Variants in IGF2BP3 observed in about 807,000 individuals in gnomAD.
IGF2BP3 encodes the protein insulin like growth factor 2 mRNA binding protein 3.
A neutral mutation model predicts 73.8 loss-of-function variants in IGF2BP3; 9 were observed. The ratio of observed to expected loss-of-function variants is 0.12; its 90% confidence interval spans 0.07 to 0.21. The LOEUF (loss-of-function observed/expected upper bound fraction) is 0.21. Ranked by LOEUF, IGF2BP3 falls within the 10% of genes least tolerant of loss-of-function variation. The pLI is 1.00. For missense variants in IGF2BP3, 542 were observed against 714.0 expected (o/e 0.76, Z 2.75); for synonymous variants, 258 against 256.7 (o/e 1.01, Z -0.05).
At chr7:23,385,324 T>C (rs1189833123) in intron 3 of IGF2BP3, among the ~76,000 whole-genome samples, 1 of 152,130 alleles carries the variant, frequency 6.6e-6, no homozygotes, top group African/African-American at 2.4e-5. Context: ...AGAAAGTGAA[T>C]CTGAATATGC....
intron 3 of IGF2BP3, among the ~76,000 whole-genome samples, chr7:23,388,888 C>A (rs1333397069): frequency 6.6e-6 from 1 of 152,082 alleles, no homozygotes; most frequent in Non-Finnish European, 1.5e-5. Flanking sequence ...CTGGAAACAG[C>A]CCAAATGTTC....
chr7:23,386,123 T>A (rs1388466606), intron 3 of IGF2BP3, among the ~76,000 whole-genome samples: 2 of 152,180 alleles, frequency 1.3e-5, no homozygotes, highest in Admixed American at 1.3e-4. Flanking sequence ...AGTTAGGGGA[T>A]AGGTACATGG....
At chr7:23,441,048 A>G (rs962774330) in intron 2 of IGF2BP3, among the ~76,000 whole-genome samples, 3 of 152,198 alleles carry the variant, frequency 2.0e-5, no homozygotes, top group Non-Finnish European at 4.4e-5. Flanking sequence ...GAATCCTACA[A>G]GCAGAAAAGA....
intron 2 of IGF2BP3, among the ~76,000 whole-genome samples, chr7:23,425,899 G>C (rs942605265): frequency 7.9e-5 from 12 of 152,010 alleles, no homozygotes; most frequent in Admixed American, 7.9e-4. Flanking sequence ...TAGGGAGGTC[G>C]AGGCTGCAGT....
rs143619611 is a variant in IGF2BP3, at chr7:23,450,295, C to T, written c.236+18187G>A. Among the ~76,000 whole-genome samples, 919 of 152,234 alleles carry T rather than the reference C, an allele frequency of 6.0e-3. 12 individuals carry two copies. Among genetic ancestry groups the T allele is most frequent in the African/African-American group, 0.021 (877 of 41,540 alleles). On this transcript the variant is annotated intron_variant, in intron 2 of 14. Transcript: ENST00000258729. ...CTGTGCAGTTGTTTGAGTTGCAAGA[C>T]GAACCAGTCAAGCACCGTTTCTACC...
intron 3 of IGF2BP3, among the ~76,000 whole-genome samples, chr7:23,381,577 A>AT (rs531061778): frequency 1.4e-4 from 21 of 150,444 alleles, no homozygotes; most frequent in Non-Finnish European, 2.5e-4. Context: ...TTAAATTTTA[A>AT]TTTTTTTTTT....
chr7:23,364,547 C>CAAAAA (rs34795303), intron 3 of IGF2BP3, among the ~76,000 whole-genome samples: 66 of 40,350 alleles, frequency 1.6e-3, no homozygotes, highest in African/African-American at 6.1e-3. Flanking sequence ...GACTTTGTGT[C>CAAAAA]AAAAAAAAAA....
At chr7:23,369,834 A>T (rs1785490950) in intron 3 of IGF2BP3, among the ~76,000 whole-genome samples, 1 of 152,116 alleles carries the variant, frequency 6.6e-6, no homozygotes, top group Non-Finnish European at 1.5e-5. Flanking sequence ...AGTTGATACC[A>T]CTATGGGCGT....
intron 2 of IGF2BP3, among the ~76,000 whole-genome samples, chr7:23,439,427 C>A (rs1334543379): frequency 2.0e-5 from 3 of 151,028 alleles, no homozygotes; most frequent in Admixed American, 2.0e-4. Flanking sequence ...GGTGTGGTGG[C>A]GGGCGCCTGT....
At chr7:23,377,469 T>C (rs1163444043) in intron 3 of IGF2BP3, among the ~76,000 whole-genome samples, 5 of 152,120 alleles carry the variant, frequency 3.3e-5, no homozygotes, top group African/African-American at 7.2e-5. Context: ...AAAAGACAAA[T>C]AATAACAAGT....
rs116721091 is a variant in IGF2BP3, at chr7:23,397,531, C to T, written c.285+21245G>A. Among the ~76,000 whole-genome samples, 570 of 152,136 alleles carry T rather than the reference C, an allele frequency of 3.7e-3. 5 individuals carry two copies. The highest frequency in any genetic ancestry group is 0.013 in the African/African-American group (532 of 41,534). On this transcript the variant is annotated intron_variant, in intron 3 of 14. Transcript: ENST00000258729. ...TCCTTCTATCATCTAACTAGCCATA[C>T]GCCATGCCTCCTTCAACACCTAACT...
chr7:23,450,989 T>A (rs1310348536), intron 2 of IGF2BP3, among the ~76,000 whole-genome samples: 2 of 152,246 alleles, frequency 1.3e-5, no homozygotes, highest in Non-Finnish European at 2.9e-5. Context: ...CATATCCATA[T>A]GTGGCTGGAT....
intron 10 of IGF2BP3, among the ~76,000 whole-genome samples, chr7:23,329,647 G>C (rs981358693): frequency 1.3e-5 from 2 of 152,154 alleles, no homozygotes; most frequent in Admixed American, 1.3e-4. Flanking sequence ...CATAAGAGTA[G>C]TGGAGATGGG....
At chr7:23,440,523 G>A (rs753852664) in intron 2 of IGF2BP3, among the ~76,000 whole-genome samples, 15 of 152,222 alleles carry the variant, frequency 9.9e-5, no homozygotes, top group Non-Finnish European at 2.1e-4. Context: ...AGTGGGATGG[G>A]CCTTAACACC....
At chr7:23,340,144 G>A (rs1028708703) in intron 10 of IGF2BP3, among the ~76,000 whole-genome samples, 1 of 152,098 alleles carries the variant, frequency 6.6e-6, no homozygotes, top group Non-Finnish European at 1.5e-5. Context: ...TGACTCCAGG[G>A]TTCTTTCTAC....
Position 23,407,972 on chromosome 7 carries a change from G to A in IGF2BP3, c.285+10804C>T, listed in dbSNP as rs1013156136. Among the ~76,000 whole-genome samples the A allele has an allele frequency of 3.0e-4, 29 of 96,020 alleles. 1 individual carries two copies. The highest frequency in any genetic ancestry group is 1.4e-3 in the Admixed American group (13 of 9,510). The allele number at this position is 96,020 out of a possible 152,430, so 63.0% of individuals were successfully genotyped here. On this transcript the variant is annotated intron_variant, in intron 3 of 14. Transcript: ENST00000258729. ...AGGGGGCGGGGGGCGGGGGGGGGGG[G>A]AGTCAATGTAATTCATTTACAGCCT...
intron 2 of IGF2BP3, among the ~76,000 whole-genome samples, chr7:23,446,282 G>A (rs1336390863): frequency 6.6e-6 from 1 of 152,202 alleles, no homozygotes; most frequent in Non-Finnish European, 1.5e-5. Context: ...TAGATGCCCA[G>A]TGTGGTGGCT....
At chr7:23,384,925 G>C (rs1407645459) in intron 3 of IGF2BP3, among the ~76,000 whole-genome samples, 5 of 151,924 alleles carry the variant, frequency 3.3e-5, no homozygotes, top group Non-Finnish European at 5.9e-5. Context: ...ATCCTACCTG[G>C]TAGGTTAGGT....
At chr7:23,443,533 G>A (rs1787986151) in intron 2 of IGF2BP3, among the ~76,000 whole-genome samples, 1 of 152,086 alleles carries the variant, frequency 6.6e-6, no homozygotes, top group Non-Finnish European at 1.5e-5. Context: ...AGGTGTGGTG[G>A]CATGCACCTG....
Sources: gnomAD v4.1 joint callset for allele counts (sites outside exome capture counted in the v4.1 genomes callset) on GRCh38, gnomAD v4.1.1 for gene constraint, MANE v1.5 for transcripts, NCBI Gene and HGNC (gene_info 2026-07-23, HGNC 2026-07-21) for gene names.